The following COL5A1 variants were observed in gnomAD, a reference collection of about 807,000 sequenced individuals.
COL5A1 encodes the protein collagen alpha-1(V) chain.
COL5A1 carries 16 observed loss-of-function variants against 263.7 expected under a neutral mutation model. That is an observed-to-expected ratio of 0.06 (90% CI 0.04 to 0.09). The LOEUF (loss-of-function observed/expected upper bound fraction) is 0.09, where lower values mean the gene tolerates loss of function less well. Among genes scored for constraint, COL5A1 ranks in the 10% least tolerant of loss-of-function variants. The pLI is 1.00. For synonymous variants in COL5A1, 1,012 were observed against 1,004.5 expected, an observed-to-expected ratio of 1.01 and a Z score of -0.14; for missense variants, 2,036 against 2,540.5, an observed-to-expected ratio of 0.80 and a Z score of 4.27.
At chr9:134,797,944 T>C (rs984945522) in intron 36 of COL5A1, among the ~76,000 whole-genome samples, 13 of 152,208 alleles carry the variant, frequency 8.5e-5, no homozygotes, top group African/African-American at 2.4e-4. Flanking sequence ...CATGTCCTTT[T>C]TGGGGACACA....
At chr9:134,723,397 T>G (rs1834537962) in intron 4 of COL5A1, among the ~76,000 whole-genome samples, 2 of 152,190 alleles carry the variant, frequency 1.3e-5, no homozygotes, top group South Asian at 4.1e-4. Context: ...GCCTGATGCC[T>G]GCAGGGAGAG....
chr9:134,725,963 T>G (rs1322910972), intron 4 of COL5A1, among the ~76,000 whole-genome samples: 1 of 152,232 alleles, frequency 6.6e-6, no homozygotes, highest in African/African-American at 2.4e-5. Flanking sequence ...GAGGGTGAAC[T>G]GATTTGGGTG....
intron 1 of COL5A1, among the ~76,000 whole-genome samples, chr9:134,676,692 C>T (rs896967262): frequency 6.6e-6 from 1 of 152,242 alleles, no homozygotes; most frequent in Non-Finnish European, 1.5e-5. Flanking sequence ...TCATTTAGTC[C>T]CTCCTTTATT....
intron 1 of COL5A1, among the ~76,000 whole-genome samples, chr9:134,685,895 C>T (rs1833059608): frequency 6.6e-6 from 1 of 151,192 alleles, no homozygotes; most frequent in South Asian, 2.1e-4. Flanking sequence ...ACCCACCCAT[C>T]CAGCCACCAT....
At chr9:134,753,148 C>T (rs1042262799) in intron 14 of COL5A1, among the ~76,000 whole-genome samples, 21 of 152,174 alleles carry the variant, frequency 1.4e-4, no homozygotes, top group Admixed American at 5.9e-4. Flanking sequence ...CTCCATTGAT[C>T]TTTACAGCCC....
intron 63 of COL5A1, among the ~76,000 whole-genome samples, chr9:134,826,948 A>G (rs1280546482): frequency 6.6e-6 from 1 of 152,174 alleles, no homozygotes; most frequent in African/African-American, 2.4e-5. Flanking sequence ...CACCTGAGGC[A>G]GGTCCAGCCT....
intron 11 of COL5A1, among the ~76,000 whole-genome samples, chr9:134,740,847 G>GTCC (rs1472548840): frequency 6.6e-6 from 1 of 152,206 alleles, no homozygotes; most frequent in African/African-American, 2.4e-5. Flanking sequence ...TTAGGAGCTG[G>GTCC]TCCTCCTCAA....
chr9:134,685,768 CCATCCACCAT>C (rs1833052446), intron 1 of COL5A1, among the ~76,000 whole-genome samples: 2 of 139,394 alleles, frequency 1.4e-5, no homozygotes, highest in African/African-American at 2.7e-5. Flanking sequence ...CATCCACCAT[CCATCCACCAT>C]CATCCATCCA....
chr9:134,731,233 C>G (rs1358533675), intron 7 of COL5A1, among the ~76,000 whole-genome samples: 1 of 152,208 alleles, frequency 6.6e-6, no homozygotes, highest in East Asian at 1.9e-4. Flanking sequence ...GGGTGCAGCC[C>G]CTGCCTGAGC....
chr9:134,795,405 T>C, intron 34 of COL5A1, 90 bp downstream of exon 34: 5 of 1,131,784 alleles, frequency 4.4e-6, no homozygotes, highest in Non-Finnish European at 6.4e-6. Flanking sequence ...TCTGTGACCT[T>C]TTTTATTAAA....
At chr9:134,685,485 CG>C (rs1833024170) in intron 1 of COL5A1, among the ~76,000 whole-genome samples, 2 of 32,344 alleles carry the variant, frequency 6.2e-5, no homozygotes, top group Admixed American at 4.0e-4. Flanking sequence ...TCCATCCATC[CG>C]TCCATCCATC....
chr9:134,782,511 G>C (rs1363372276), intron 28 of COL5A1, 156 bp from the exon 29 acceptor site: 3 of 757,238 alleles, frequency 4.0e-6, no homozygotes, highest in South Asian at 2.8e-5. Flanking sequence ...AGCCATTCTC[G>C]AGGGATGGGC....
intron 1 of COL5A1, among the ~76,000 whole-genome samples, chr9:134,655,479 T>G (rs1040589122): frequency 6.6e-6 from 1 of 152,076 alleles, no homozygotes; most frequent in Non-Finnish European, 1.5e-5. Flanking sequence ...AGCACCTTCC[T>G]GTGCCTCAGT....
At chr9:134,771,113 T>G (rs546016907) in intron 25 of COL5A1, among the ~76,000 whole-genome samples, 14 of 152,332 alleles carry the variant, frequency 9.2e-5, no homozygotes, top group African/African-American at 3.4e-4. Flanking sequence ...TGCTGTTATC[T>G]CCAGCCTGGA....
intron 19 of COL5A1, among the ~76,000 whole-genome samples, chr9:134,762,997 T>G (rs1266288424): frequency 6.6e-6 from 1 of 152,016 alleles, no homozygotes; most frequent in Non-Finnish European, 1.5e-5. Context: ...CAAGCATGTG[T>G]GTATGGCTGT....
At chr9:134,728,536 C>T in intron 5 of COL5A1, 134 bp from the exon 6 acceptor site, 1 of 1,256,584 alleles carries the variant, frequency 8.0e-7, no homozygotes, top group Non-Finnish European at 1.2e-6. Flanking sequence ...ATCCGGGGAC[C>T]CACAGGGAGG....
At chr9:134,776,654 GA>G (rs894360763) in intron 27 of COL5A1, among the ~76,000 whole-genome samples, 3 of 152,236 alleles carry the variant, frequency 2.0e-5, no homozygotes, top group African/African-American at 7.2e-5. Flanking sequence ...TCCTTGGTGA[GA>G]GGGGGCCCGT....
intron 65 of COL5A1, among the ~76,000 whole-genome samples, chr9:134,835,491 G>C (rs1290377138): frequency 2.0e-5 from 3 of 152,224 alleles, no homozygotes; most frequent in Admixed American, 2.0e-4. Context: ...CAGGGCTGTG[G>C]CGTGGAGTGA....
chr9:134,789,027 G>T lies in COL5A1; in HGVS notation c.2647-128G>T. The T allele has an allele frequency of 2.4e-5, 19 of 781,336 alleles. No homozygotes were observed. The highest frequency in any genetic ancestry group is 4.2e-5 in the Non-Finnish European group (19 of 453,604). 48.4% of individuals were successfully genotyped at this position (781,336 alleles called of 1,614,324 possible). ...AGGTAGACAGGTAGGTGGGTGGTTG[G>T]GTGGGTGGGCAGGTGGAGTCTGGGG... On this transcript the variant is annotated intron_variant, in intron 31 of 65. Transcript: ENST00000371817. This position sits in a 1 kb window ranked among gnomAD's most constrained non-coding sequence, Gnocchi z 4.8.
Sources: gnomAD v4.1 joint callset for allele counts (sites outside exome capture counted in the v4.1 genomes callset) on GRCh38, gnomAD v4.1.1 for gene constraint, Gnocchi (gnomAD v3.1) non-coding constraint, MANE v1.5 for transcripts, NCBI Gene and HGNC (gene_info 2026-07-23, HGNC 2026-07-21) for gene names.